WDR37: variants seen among roughly 807,000 people sequenced by gnomAD.
WDR37 encodes WD repeat-containing protein 37.
A neutral mutation model predicts 62.9 loss-of-function variants in WDR37; 19 were observed. The observed-to-expected ratio is 0.30, with a 90% CI of 0.21 to 0.44. WDR37 has a LOEUF of 0.44. Among genes scored for constraint, WDR37 ranks in the 20% least tolerant of loss-of-function variants. The pLI, the probability that WDR37 is intolerant of heterozygous loss-of-function variation, is 1.00. For synonymous variants in WDR37, 250 were observed against 260.9 expected, an observed-to-expected ratio of 0.96 and a Z score of 0.40; for missense variants, 474 against 657.6, an observed-to-expected ratio of 0.72 and a Z score of 3.05.
At chr10:1,126,290 C>T (rs1372866709) in intron 13 of WDR37, among the ~76,000 whole-genome samples, 6 of 151,716 alleles carry the variant, frequency 4.0e-5, no homozygotes, top group South Asian at 2.1e-4. Context: ...TCTGTAGTCC[C>T]AGCTACTCGG....
chr10:1,077,946 G>A lies in WDR37; in HGVS notation c.178G>A (p.Glu60Lys), dbSNP rs1833928066. 1.2e-6 allele frequency: 2 copies of A among 1,611,858 alleles called. No individual in the cohort carries two copies. The highest frequency in any genetic ancestry group is 1.7e-6 in the Non-Finnish European group (2 of 1,178,958). ...LPSSVRSTLL[E>K]LFGQIEREFE... ...TTCCTCGGTTCGCAGTACACTTCTG[G>A]AACTGTTTGGTCAAATAGAAAGAGA... is the stretch of plus-strand genomic sequence containing the variant. Residue 60 changes from glutamate to lysine, a missense_variant, in exon 3 of 14, where the codon GAA (glutamate) becomes AAA (lysine). Glu to Lys is a moderately conservative substitution (Grantham distance 56). Transcript: ENST00000263150.
chr10:1,118,559 G>A (rs938282480), intron 11 of WDR37, among the ~76,000 whole-genome samples: 10 of 152,114 alleles, frequency 6.6e-5, no homozygotes, highest in Admixed American at 6.5e-5. Context: ...CGTGCACTCA[G>A]CCACCCTCAG....
chr10:1,068,799 C>T (rs976903288), intron 1 of WDR37, among the ~76,000 whole-genome samples: 2 of 152,152 alleles, frequency 1.3e-5, no homozygotes, highest in East Asian at 3.8e-4. Flanking sequence ...GCACTTTAAC[C>T]TTCATAATAA....
intron 5 of WDR37, among the ~76,000 whole-genome samples, chr10:1,082,754 C>T (rs560767694): frequency 8.5e-5 from 13 of 152,058 alleles, no homozygotes; most frequent in Non-Finnish European, 1.9e-4. Flanking sequence ...GGCACATGAT[C>T]CCCTGCACAG....
chr10:1,092,163 C>G (rs1424216871), intron 7 of WDR37, among the ~76,000 whole-genome samples: 7 of 122,318 alleles, frequency 5.7e-5, no homozygotes, highest in Non-Finnish European at 8.1e-5. Flanking sequence ...CTGGGAGACA[C>G]AGCGAGACTC....
chr10:1,064,976 A>G (rs1035293892), intron 1 of WDR37, among the ~76,000 whole-genome samples: 1 of 152,182 alleles, frequency 6.6e-6, no homozygotes, highest in African/African-American at 2.4e-5. Context: ...GAAAAGGACT[A>G]TCAACTCAGA....
intron 11 of WDR37, among the ~76,000 whole-genome samples, chr10:1,117,287 G>A (rs1434776987): frequency 1.3e-5 from 2 of 152,108 alleles, no homozygotes; most frequent in South Asian, 2.1e-4. Context: ...AATCTTGGCC[G>A]CAAGTGATCC....
At chr10:1,096,097 C>A in intron 8 of WDR37, 73 bp from the exon 9 acceptor site, 2 of 1,449,446 alleles carry the variant, frequency 1.4e-6, no homozygotes, top group Non-Finnish European at 9.7e-7. Context: ...TGCTGCTTAG[C>A]CATAGTGGCG....
chr10:1,066,356 T>G (rs1833547764), intron 1 of WDR37, among the ~76,000 whole-genome samples: 1 of 152,174 alleles, frequency 6.6e-6, no homozygotes, highest in Non-Finnish European at 1.5e-5. Context: ...GACCTTGTGA[T>G]CCGTCCACCT....
intron 7 of WDR37, among the ~76,000 whole-genome samples, chr10:1,093,188 C>A (rs1408833665): frequency 6.6e-6 from 1 of 152,070 alleles, no homozygotes; most frequent in African/African-American, 2.4e-5. Flanking sequence ...AAAATGACAT[C>A]TTTGTCTATA....
Position 1,103,401 on chromosome 10 carries a change from G to A in WDR37, c.727-201G>A, listed in dbSNP as rs1421351748. On this transcript the variant is annotated intron_variant, in intron 9 of 13. Coordinates refer to ENST00000263150, the MANE Select transcript of WDR37 (RefSeq NM_014023.4). This position sits in a 1 kb window ranked among gnomAD's most constrained non-coding sequence, Gnocchi z 6.3. ...TTCTGTACGAGATGGTCGTAGAGTT[G>A]ATGGGTGTTCACGGGCAGCAGTTAT... Among the ~76,000 whole-genome samples the A allele has an allele frequency of 6.6e-6, 1 of 152,174 alleles. No homozygotes were observed. Among genetic ancestry groups the A allele is most frequent in the Non-Finnish European group, 1.5e-5 (1 of 68,034 alleles).
At chr10:1,089,980 T>C (rs1241509593) in intron 7 of WDR37, among the ~76,000 whole-genome samples, 1 of 152,156 alleles carries the variant, frequency 6.6e-6, no homozygotes, top group African/African-American at 2.4e-5. Context: ...GATTTTTCTT[T>C]TTTTGAGACG....
chr10:1,108,268 AT>A (rs1374116565), intron 11 of WDR37, among the ~76,000 whole-genome samples: 1 of 152,146 alleles, frequency 6.6e-6, no homozygotes, highest in Non-Finnish European at 1.5e-5. Context: ...ACATTTAGAT[AT>A]TATGTCCTTT....
intron 1 of WDR37, among the ~76,000 whole-genome samples, chr10:1,070,693 A>T (rs532388794): frequency 6.6e-6 from 1 of 152,356 alleles, no homozygotes; most frequent in Non-Finnish European, 1.5e-5. Context: ...TATGTTATTA[A>T]TAACCTTTAT....
intron 9 of WDR37, among the ~76,000 whole-genome samples, chr10:1,101,056 C>A (rs1834780200): frequency 6.6e-6 from 1 of 152,224 alleles, no homozygotes. Context: ...GTATTGTTCT[C>A]TTACTGCCTG....
intron 1 of WDR37, among the ~76,000 whole-genome samples, chr10:1,069,333 T>G (rs1333862846): frequency 1.4e-5 from 2 of 144,634 alleles, no homozygotes; most frequent in African/African-American, 5.1e-5. Context: ...TTATTGTTCA[T>G]GGCAACTTTA....
chr10:1,069,387 ATATTTTT>A (rs1190577361), intron 1 of WDR37, among the ~76,000 whole-genome samples: 1 of 30,444 alleles, frequency 3.3e-5, no homozygotes, highest in Non-Finnish European at 5.9e-5. Flanking sequence ...ATATATATAT[ATATTTTT>A]TTTTTTTTTT....
chr10:1,080,439 A>G lies in WDR37; in HGVS notation c.359A>G (p.Gln120Arg), dbSNP rs752516158. The G allele has an allele frequency of 1.2e-6, 2 of 1,614,218 alleles. No homozygotes were observed. The highest frequency in any genetic ancestry group is 2.2e-5 in the East Asian group (1 of 44,884). The part of the protein sequence containing the change: ...KASHSTSQLS[Q>R]KLKTTYKAST... ...AGTCACAGCACCAGCCAGCTCTCCCAGAAACTGAAGACCACTTACAAGGCT... is the reference window on the plus strand; with the variant it reads ...AGTCACAGCACCAGCCAGCTCTCCCGGAAACTGAAGACCACTTACAAGGCT... The change falls in exon 5 of 14, where the codon CAG becomes CGG. Residue 120 changes from glutamine (Q) to arginine (R), a missense_variant. By Grantham distance (43) the Gln-to-Arg change is conservative. Transcript: ENST00000263150.
chr10:1,093,628 T>C lies in WDR37; in HGVS notation c.649+132T>C, dbSNP rs116674995. On this transcript the variant is annotated intron_variant, in intron 8 of 13. Coordinates refer to ENST00000263150, the MANE Select transcript of WDR37 (RefSeq NM_014023.4). ...TAATCTTTAGTAGACATTTTATGAA[T>C]TAAATGAGAAATGGATAAAGGAAAA... 5.5e-3 allele frequency: 4,293 copies of C among 776,470 alleles called. 147 individuals are homozygous for C. In the African/African-American group the frequency reaches 0.067, roughly 12 times the overall value. The allele number at this position is 776,470 out of a possible 1,614,324, so 48.1% of individuals were successfully genotyped here. A position where few individuals can be genotyped will look rare whatever the true frequency, so the allele number is the denominator to read the frequency against.
Sources: gnomAD v4.1 joint callset for allele counts (sites outside exome capture counted in the v4.1 genomes callset) on GRCh38, gnomAD v4.1.1 for gene constraint, Gnocchi (gnomAD v3.1) non-coding constraint, MANE v1.5 for transcripts, NCBI Gene and HGNC (gene_info 2026-07-23, HGNC 2026-07-21) for gene names.